Variants in LGR6 observed in about 807,000 individuals in gnomAD.
LGR6 encodes the protein leucine-rich repeat-containing G protein-coupled receptor 6.
In LGR6, 45 loss-of-function variants were observed where a neutral mutation model predicts 69.4. The ratio of observed to expected loss-of-function variants is 0.65; its 90% CI spans 0.51 to 0.83. LGR6 has a LOEUF of 0.83. Among genes scored for constraint, LGR6 ranks in the 40% least tolerant of loss-of-function variants. The pLI is 0.00. For missense variants in LGR6, 1,108 were observed against 1,246.7 expected (o/e 0.89, Z 1.68); for synonymous variants, 538 against 555.0 (o/e 0.97, Z 0.43).
intron 1 of LGR6, among the ~76,000 whole-genome samples, chr1:202,200,115 C>G (rs1165524340): frequency 1.3e-5 from 2 of 152,172 alleles, no homozygotes; most frequent in African/African-American, 4.8e-5. Context: ...GGGAAACAGG[C>G]CTTTCAAGCA....
intron 1 of LGR6, among the ~76,000 whole-genome samples, chr1:202,202,670 C>G (rs1263059736): frequency 2.6e-5 from 4 of 152,236 alleles, no homozygotes; most frequent in African/African-American, 9.6e-5. Context: ...TGGTTATTAT[C>G]TATCTAGTCT....
rs767769162 is a variant in LGR6, at chr1:202,194,707, G to GGGT, written c.212+508_212+509insTGG. On this transcript the variant is annotated intron_variant, in intron 1 of 17. Coordinates refer to ENST00000367278, the MANE Select transcript of LGR6 (RefSeq NM_001017403.2). ...AGGCTGGGTGGCCTTCGTGGGGGCGGGGGGGGCGGGTTTCCTAGAAGCTGG... is the reference window on the plus strand; with the variant it reads ...AGGCTGGGTGGCCTTCGTGGGGGCGGGGTGGGGGGCGGGTTTCCTAGAAGCTGG... 9.8e-4 allele frequency: 274 copies of GGGT among 280,984 alleles called. 3 individuals are homozygous for GGGT. Among genetic ancestry groups the GGGT allele is most frequent in the African/African-American group, 5.7e-3 (227 of 40,162 alleles). The allele number at this position is 280,984 out of a possible 1,614,324, so 17.4% of individuals were successfully genotyped here.
chr1:202,251,971 G>A (rs961271122), intron 4 of LGR6, among the ~76,000 whole-genome samples: 13 of 151,980 alleles, frequency 8.6e-5, no homozygotes, highest in East Asian at 1.9e-4. Flanking sequence ...AATAGTCCCC[G>A]GATTCTTAGT....
intron 1 of LGR6, among the ~76,000 whole-genome samples, chr1:202,222,050 G>A (rs1558013974): frequency 6.6e-6 from 1 of 152,254 alleles, no homozygotes; most frequent in African/African-American, 2.4e-5. Context: ...GCAGGGCCCA[G>A]TGCCTCTTGC....
intron 4 of LGR6, among the ~76,000 whole-genome samples, chr1:202,243,880 G>A (rs565807006): frequency 6.6e-6 from 1 of 152,306 alleles, no homozygotes; most frequent in East Asian, 1.9e-4. Context: ...GTAGGGGCAG[G>A]CGGCGACAAG....
At chr1:202,290,945 C>G (rs1400698530) in intron 6 of LGR6, among the ~76,000 whole-genome samples, 1 of 152,186 alleles carries the variant, frequency 6.6e-6, no homozygotes, top group East Asian at 1.9e-4. Flanking sequence ...TCTGAATCTA[C>G]AGCTGAATCT....
In LGR6 at chr1:202,318,984, A is replaced by G; in HGVS notation, c.2681A>G (p.Tyr894Cys). The change falls in exon 18 of 18, where the codon TAT becomes TGT. Residue 894 changes from tyrosine (Y) to cysteine (C), a missense_variant. Transcript: ENST00000367278. ...EAGRPPGLET[Y>C]GFPSVTLISC... ...GGGCGGCCCCCTGGGCTGGAGACCT[A>G]TGGCTTCCCCTCAGTGACCCTCATC... 3.7e-6 allele frequency: 6 copies of G among 1,613,720 alleles called. No individual in the cohort carries two copies. The highest frequency in any genetic ancestry group is 5.1e-6 in the Non-Finnish European group (6 of 1,179,792).
intron 4 of LGR6, among the ~76,000 whole-genome samples, chr1:202,261,613 T>C (rs1317680583): frequency 6.6e-6 from 1 of 152,196 alleles, no homozygotes; most frequent in African/African-American, 2.4e-5. Flanking sequence ...ACGGGATGGC[T>C]GGGTCAAATG....
chr1:202,277,145 G>T (rs955144964), intron 5 of LGR6, among the ~76,000 whole-genome samples: 1 of 152,184 alleles, frequency 6.6e-6, no homozygotes, highest in Non-Finnish European at 1.5e-5. Flanking sequence ...TACTAAAAGG[G>T]CTTGGAGGTC....
intron 1 of LGR6, among the ~76,000 whole-genome samples, chr1:202,218,263 G>T (rs1220368393): frequency 4.6e-5 from 7 of 151,908 alleles, no homozygotes; most frequent in Non-Finnish European, 7.4e-5. Flanking sequence ...CTGCTATTCA[G>T]GGGGTGTTTG....
In LGR6 at chr1:202,300,863, A is replaced by G; in HGVS notation, c.800A>G (p.Asn267Ser). 6.2e-7 allele frequency: 1 copy of G among 1,611,618 alleles called. No individual in the cohort carries two copies. The part of the protein sequence containing the change: ...GRLQELGFHN[N>S]NIKAIPEKAF... Reference sequence around the variant, plus strand: ...TTGTCTTCCAGGGGGTTCCATAACAACAACATCAAGGCCATCCCAGAAAAG... The same window carrying G: ...TTGTCTTCCAGGGGGTTCCATAACAGCAACATCAAGGCCATCCCAGAAAAG... The change falls in exon 8 of 18, where the codon AAC (asparagine) becomes AGC (serine). Residue 267 changes from asparagine (N) to serine (S), a missense_variant. Coordinates refer to ENST00000367278, the MANE Select transcript of LGR6 (RefSeq NM_001017403.2).
chr1:202,260,311 T>A (rs1180765049), intron 4 of LGR6, among the ~76,000 whole-genome samples: 1 of 152,106 alleles, frequency 6.6e-6, no homozygotes, highest in Non-Finnish European at 1.5e-5. Context: ...AGTGTTAGGA[T>A]TACAGGTGTG....
rs1654367284 is a variant in LGR6, at chr1:202,318,656, C to T, written c.2353C>T (p.Leu785Phe). The change falls in exon 18 of 18, where the codon CTC becomes TTC. Residue 785 changes from leucine to phenylalanine, a missense_variant. Leu to Phe is a conservative substitution (Grantham distance 22). Transcript: ENST00000367278. Reference sequence around the variant, plus strand: ...CTGGCTCATCTTCGCAGACGGGCTCCTCTACTGTCCCGTGGCCTTCCTCAG... The same window carrying T: ...CTGGCTCATCTTCGCAGACGGGCTCTTCTACTGTCCCGTGGCCTTCCTCAG... ...VAWLIFADGL[L>F]YCPVAFLSFA... 1 of 1,613,820 alleles carries T rather than the reference C, an allele frequency of 6.2e-7. No homozygotes were observed. Among genetic ancestry groups the T allele is most frequent in the East Asian group, 2.2e-5 (1 of 44,874 alleles).
chr1:202,281,510 A>C (rs1666004006), intron 6 of LGR6, among the ~76,000 whole-genome samples: 1 of 152,202 alleles, frequency 6.6e-6, no homozygotes. Context: ...CAGTCCCCAC[A>C]CAGTGGGCTG....
At chr1:202,225,528 A>G in intron 2 of LGR6, 34 bp downstream of exon 2, 1 of 1,579,622 alleles carries the variant, frequency 6.3e-7, no homozygotes, top group Non-Finnish European at 8.7e-7. Flanking sequence ...GGAGGCAAGC[A>G]TGGGCTCTGT....
intron 5 of LGR6, among the ~76,000 whole-genome samples, chr1:202,279,238 G>T (rs148319464): frequency 6.6e-6 from 1 of 152,334 alleles, no homozygotes; most frequent in African/African-American, 2.4e-5. Context: ...CCAGAAGGCA[G>T]TGTTTTCCCC....
intron 11 of LGR6, among the ~76,000 whole-genome samples, chr1:202,305,151 G>A (rs999746361): frequency 3.9e-5 from 6 of 152,104 alleles, no homozygotes; most frequent in African/African-American, 1.4e-4. Context: ...TAGGCTGGGG[G>A]TCCGGAGACA....
chr1:202,232,883 C>A (rs1661207597), intron 3 of LGR6, among the ~76,000 whole-genome samples: 1 of 152,202 alleles, frequency 6.6e-6, no homozygotes, highest in African/African-American at 2.4e-5. Context: ...CTCTCTGAGC[C>A]TTCACCTCCT....
chr1:202,234,500 C>T (rs1458818051), intron 3 of LGR6, among the ~76,000 whole-genome samples: 2 of 152,192 alleles, frequency 1.3e-5, no homozygotes, highest in South Asian at 2.1e-4. Flanking sequence ...ACAACTCAGG[C>T]TCATCATCTT....
Sources: allele counts gnomAD v4.1 joint callset (sites outside exome capture counted in the v4.1 genomes callset), GRCh38; gene constraint gnomAD v4.1.1; transcripts MANE v1.5; gene names NCBI Gene and HGNC (gene_info 2026-07-23, HGNC 2026-07-21).